AGAP1: variants seen among roughly 807,000 people sequenced by gnomAD.
AGAP1 encodes the protein ArfGAP with GTPase domain, ankyrin repeat and PH domain 1.
A neutral mutation model predicts 105.3 loss-of-function variants in AGAP1; 29 were observed. The ratio of observed to expected loss-of-function variants is 0.28; its 90% CI spans 0.21 to 0.38. The LOEUF (loss-of-function observed/expected upper bound fraction) is 0.38. AGAP1 is among the 10% of genes least tolerant of loss of function. The probability of loss-of-function intolerance (pLI) is 1.00; values close to 1 mark genes in which losing one functional copy is unlikely to be tolerated. For synonymous variants in AGAP1, 509 were observed against 485.9 expected (o/e 1.05, Z -0.63); for missense variants, 998 against 1,165.1 (o/e 0.86, Z 2.09).
In AGAP1 at chr2:235,889,822, A is replaced by T. The variant is rs1224562790; in HGVS notation, c.1155+6373A>T. Reference sequence around the variant, plus strand: ...GCAGTGGAATAGAATTGCTTATGGAATAGCCAGGTCATAGGATGTGATAAT... The same window carrying T: ...GCAGTGGAATAGAATTGCTTATGGATTAGCCAGGTCATAGGATGTGATAAT... On this transcript the variant is annotated intron_variant, in intron 10 of 17. Coordinates refer to ENST00000304032, the MANE Select transcript of AGAP1 (RefSeq NM_001037131.3). This position sits in a 1 kb window ranked among gnomAD's most constrained non-coding sequence, Gnocchi z 4.6. 6.6e-6 allele frequency among the ~76,000 whole-genome samples: 1 copy of T among 152,212 alleles called. No homozygotes were observed. The highest frequency in any genetic ancestry group is 1.5e-5 in the Non-Finnish European group (1 of 68,042).
chr2:235,571,687 A>C (rs994784749), intron 1 of AGAP1, among the ~76,000 whole-genome samples: 2 of 152,054 alleles, frequency 1.3e-5, no homozygotes, highest in African/African-American at 4.8e-5. Flanking sequence ...CTCACCTGGG[A>C]TATGGCTTGC....
At chr2:235,954,146 G>A (rs1466629442) in intron 12 of AGAP1, among the ~76,000 whole-genome samples, 1 of 152,024 alleles carries the variant, frequency 6.6e-6, no homozygotes, top group African/African-American at 2.4e-5. Context: ...GGCTGAGGCA[G>A]GAGAATCGCT....
intron 6 of AGAP1, among the ~76,000 whole-genome samples, chr2:235,756,707 C>T (rs557440287): frequency 5.9e-5 from 9 of 152,294 alleles, no homozygotes; most frequent in East Asian, 1.9e-4. Flanking sequence ...CCCCGAGCTC[C>T]GCCTCCTGTC....
In AGAP1 at chr2:235,906,292, CT is replaced by C. The variant is rs906225463; in HGVS notation, c.1156-2445del. Among the ~76,000 whole-genome samples the C allele has an allele frequency of 2.6e-5, 4 of 152,232 alleles. No individual in the cohort carries two copies. The highest frequency in any genetic ancestry group is 2.6e-4 in the Admixed American group (4 of 15,292). ...TGCCGGGGAATGCCCGGCCTTGCCC[CT>C]GCCTCTGAATTTGCCCCACTGTAGC... On this transcript the variant is annotated intron_variant, in intron 10 of 17. Coordinates refer to ENST00000304032, the MANE Select transcript of AGAP1 (RefSeq NM_001037131.3). This position sits in a 1 kb window ranked among gnomAD's most constrained non-coding sequence, Gnocchi z 5.3.
intron 1 of AGAP1, among the ~76,000 whole-genome samples, chr2:235,565,468 G>A (rs1431754621): frequency 1.3e-5 from 2 of 152,216 alleles, no homozygotes; most frequent in Non-Finnish European, 2.9e-5. Flanking sequence ...CACCACTCAT[G>A]CCTACCCAGC....
intron 12 of AGAP1, among the ~76,000 whole-genome samples, chr2:235,943,281 C>T (rs1467698521): frequency 1.3e-5 from 2 of 151,096 alleles, no homozygotes; most frequent in East Asian, 1.9e-4. Context: ...TAACATTGGT[C>T]AAATCTTTTT....
intron 1 of AGAP1, among the ~76,000 whole-genome samples, chr2:235,696,271 C>A (rs185692360): frequency 1.7e-4 from 26 of 152,308 alleles, no homozygotes; most frequent in Non-Finnish European, 1.5e-5. Flanking sequence ...GTCTTGAACT[C>A]CTGACCTCGG....
rs1575950096 is a variant in AGAP1, at chr2:235,977,835, A to T, written c.1645+9212A>T. 6.6e-6 allele frequency among the ~76,000 whole-genome samples: 1 copy of T among 152,272 alleles called. No homozygotes were observed. The highest frequency in any genetic ancestry group is 1.9e-4 in the East Asian group (1 of 5,176). On this transcript the variant is annotated intron_variant, in intron 13 of 17. Transcript: ENST00000304032. This position sits in a 1 kb window ranked among gnomAD's most constrained non-coding sequence, Gnocchi z 5.2. ...GGGAGGATGAAATAAAATTGCACCTACCGTTTGTCTTAGCTCAGCCTGCCA... is the reference window on the plus strand; with the variant it reads ...GGGAGGATGAAATAAAATTGCACCTTCCGTTTGTCTTAGCTCAGCCTGCCA...
chr2:235,545,982 G>T (rs1236288970), intron 1 of AGAP1, among the ~76,000 whole-genome samples: 3 of 152,252 alleles, frequency 2.0e-5, no homozygotes, highest in Non-Finnish European at 4.4e-5. Flanking sequence ...ACCTTGGCCA[G>T]ACCCTCCTCA....
intron 16 of AGAP1, among the ~76,000 whole-genome samples, chr2:236,118,188 T>C (rs1227876875): frequency 6.6e-6 from 1 of 152,140 alleles, no homozygotes; most frequent in African/African-American, 2.4e-5. Flanking sequence ...AGAAATGTCA[T>C]GGGTAATGAG....
At chr2:235,572,301 C>T (rs1424589849) in intron 1 of AGAP1, among the ~76,000 whole-genome samples, 1 of 151,956 alleles carries the variant, frequency 6.6e-6, no homozygotes, top group Non-Finnish European at 1.5e-5. Context: ...TCTAGATGCA[C>T]ATAATTTCAG....
rs188826230 is a variant in AGAP1 at position 236,061,203 on chromosome 2, C to T, written c.2114+11922C>T. Among the ~76,000 whole-genome samples, 1 of 152,258 alleles carries T rather than the reference C, an allele frequency of 6.6e-6. No individual in the cohort carries two copies. Among genetic ancestry groups the T allele is most frequent in the East Asian group, 1.9e-4 (1 of 5,190 alleles). On this transcript the variant is annotated intron_variant, in intron 16 of 17. Coordinates refer to ENST00000304032, the MANE Select transcript of AGAP1 (RefSeq NM_001037131.3). This position sits in a 1 kb window ranked among gnomAD's most constrained non-coding sequence, Gnocchi z 4.1. ...AGGGAAATGCAGATCACCCTTGAGC[C>T]CCCACCGCACGTGCTCTTGGACGGT...
At chr2:235,941,219 GA>G (rs1410778122) in intron 12 of AGAP1, among the ~76,000 whole-genome samples, 2 of 152,176 alleles carry the variant, frequency 1.3e-5, no homozygotes, top group Non-Finnish European at 2.9e-5. Context: ...AGTTAGAGTT[GA>G]AACTGGTTTT....
At position 235,535,114 on chromosome 2, in the gene AGAP1, G is replaced by C. The variant is rs913813866; in HGVS notation, c.163+40265G>C. Among the ~76,000 whole-genome samples the C allele has an allele frequency of 2.0e-5, 3 of 152,122 alleles. No individual in the cohort carries two copies. In the East Asian group the frequency reaches 5.8e-4, roughly 29 times the overall value. ...CCCCCAGGTGAATGGATTCTCGCCAGGGCCAATACTTATCCGCAGGGGTGT... is the reference window on the plus strand; with the variant it reads ...CCCCCAGGTGAATGGATTCTCGCCACGGCCAATACTTATCCGCAGGGGTGT... On this transcript the variant is annotated intron_variant, in intron 1 of 17. Transcript: ENST00000304032. The surrounding 1 kb of genome is among the most constrained non-coding windows in gnomAD (Gnocchi z 5.1).
rs1261659755 is a variant in AGAP1, at chr2:235,577,314, G to A, written c.163+82465G>A. Among the ~76,000 whole-genome samples, 1 of 152,150 alleles carries A rather than the reference G, an allele frequency of 6.6e-6. No individual in the cohort carries two copies. The highest frequency in any genetic ancestry group is 1.9e-4 in the East Asian group (1 of 5,184). The stretch of plus-strand genomic sequence containing the variant: ...GATGCTTTGGGTGGTGCTGTGTAAT[G>A]TTCATTCATCGCACATTTCAATTCG... On this transcript the variant is annotated intron_variant, in intron 1 of 17. Transcript: ENST00000304032. The surrounding 1 kb of genome is among the most constrained non-coding windows in gnomAD (Gnocchi z 4.5).
intron 13 of AGAP1, among the ~76,000 whole-genome samples, chr2:235,975,922 CT>C (rs1403783406): frequency 6.6e-6 from 1 of 152,178 alleles, no homozygotes; most frequent in Non-Finnish European, 1.5e-5. Flanking sequence ...ATTAAACTTC[CT>C]TATTAGCAAA....
chr2:236,115,410 C>T (rs1353319308), intron 16 of AGAP1, among the ~76,000 whole-genome samples: 1 of 152,200 alleles, frequency 6.6e-6, no homozygotes, highest in Non-Finnish European at 1.5e-5. Flanking sequence ...AGAAAAGGCA[C>T]ATAAGCCACA....
In AGAP1 at chr2:235,664,260, A is replaced by G. The variant is rs1008392472; in HGVS notation, c.164-44919A>G. On this transcript the variant is annotated intron_variant, in intron 1 of 17. Transcript: ENST00000304032. The surrounding 1 kb of genome is among the most constrained non-coding windows in gnomAD (Gnocchi z 5.7). ...GAGTTTCACTATTGTTGCCCAGGCT[A>G]GAGTGCAGTGGCATGATCTCAGCTC... Among the ~76,000 whole-genome samples the G allele has an allele frequency of 2.6e-5, 4 of 151,528 alleles. No individual in the cohort carries two copies. The highest frequency in any genetic ancestry group is 9.7e-5 in the African/African-American group (4 of 41,144).
Position 235,732,915 on chromosome 2 carries a change from C to G in AGAP1, c.311-8048C>G, listed in dbSNP as rs1157928392. Among the ~76,000 whole-genome samples, 1 of 152,164 alleles carries G rather than the reference C, an allele frequency of 6.6e-6. No homozygotes were observed. Among genetic ancestry groups the G allele is most frequent in the Non-Finnish European group, 1.5e-5 (1 of 68,032 alleles). On this transcript the variant is annotated intron_variant, in intron 3 of 17. Transcript: ENST00000304032. The surrounding 1 kb of genome is among the most constrained non-coding windows in gnomAD (Gnocchi z 4.8). ...GACCTCAGCCACCTCCCCCAGCCAG[C>G]CCCAGGGGTGTTGGGGGCATCTTTC...
Sources: allele counts gnomAD v4.1 joint callset (sites outside exome capture counted in the v4.1 genomes callset), GRCh38; gene constraint gnomAD v4.1.1; non-coding constraint Gnocchi (gnomAD v3.1); transcripts MANE v1.5; gene names NCBI Gene and HGNC (gene_info 2026-07-23, HGNC 2026-07-21).